The following SPATA12 variants were observed in gnomAD, a reference collection of about 807,000 sequenced individuals.
SPATA12 encodes the protein spermatogenesis associated 12, also known as spermatogenesis-associated protein 12.
For synonymous variants in SPATA12, 85 were observed against 89.2 expected (o/e 0.95, Z 0.26); for missense variants, 219 against 226.4 (o/e 0.97, Z 0.21).
chr3:57,069,809 T>C (rs1347534708), intron 1 of SPATA12, among the ~76,000 whole-genome samples: 1 of 152,188 alleles, frequency 6.6e-6, no homozygotes, highest in Non-Finnish European at 1.5e-5. Context: ...CACACCCAAC[T>C]AATTTTTAAT....
At chr3:57,070,862 C>G (rs1242605930) in intron 1 of SPATA12, among the ~76,000 whole-genome samples, 1 of 150,948 alleles carries the variant, frequency 6.6e-6, no homozygotes, top group African/African-American at 2.4e-5. Context: ...GTCCCAGCTA[C>G]TTGGGAGGCT....
At chr3:57,067,796 G>T (rs1344013433) in intron 1 of SPATA12, among the ~76,000 whole-genome samples, 1 of 149,840 alleles carries the variant, frequency 6.7e-6, no homozygotes, top group Non-Finnish European at 1.5e-5. Context: ...TGGCTAACAC[G>T]GTGAAACCCC....
At chr3:57,065,790 C>T (rs572696488) in intron 1 of SPATA12, among the ~76,000 whole-genome samples, 6 of 152,252 alleles carry the variant, frequency 3.9e-5, no homozygotes, top group Admixed American at 2.0e-4. Flanking sequence ...ATCCTCATTA[C>T]GGCTGAGTCA....
chr3:57,072,602 C>T (rs531988240), intron 1 of SPATA12, among the ~76,000 whole-genome samples: 151 of 151,324 alleles, frequency 1.0e-3, no homozygotes, highest in Middle Eastern at 3.4e-3. Flanking sequence ...ATTAGCCAGG[C>T]GTGGTGGCAC....
intron 1 of SPATA12, among the ~76,000 whole-genome samples, chr3:57,065,689 C>A (rs1236662012): frequency 1.3e-5 from 2 of 152,118 alleles, no homozygotes; most frequent in Non-Finnish European, 2.9e-5. Context: ...AGGCTGAGTT[C>A]CCACCCAGGC....
intron 1 of SPATA12, among the ~76,000 whole-genome samples, chr3:57,068,863 A>G (rs570779039): frequency 6.6e-6 from 1 of 151,984 alleles, no homozygotes; most frequent in Non-Finnish European, 1.5e-5. Flanking sequence ...CAAAATCCCT[A>G]TGAACTGCCG....
At position 57,074,078 on chromosome 3, in the gene SPATA12, A is replaced by C. The variant is rs769247768; in HGVS notation, c.384A>C (p.Gln128His). The C allele has an allele frequency of 2.2e-5, 36 of 1,613,918 alleles. No individual in the cohort carries two copies. The South Asian group carries it at 3.0e-4, about 13-fold the overall frequency. Residue 128 changes from glutamine to histidine, a missense_variant, in exon 2 of 2, where the codon CAA (glutamine) becomes CAC (histidine). Coordinates refer to ENST00000334325, the MANE Select transcript of SPATA12 (RefSeq NM_181727.2). ...AAGTTATTCATAACTCTACACCTCA[A>C]TTTCTTGGTATGGAAGATGGGGATA... ...CEQVIHNSTP[Q>H]FLGMEDGDNE...
intron 1 of SPATA12, among the ~76,000 whole-genome samples, chr3:57,066,040 CAAAA>C (rs59510971): frequency 3.1e-5 from 4 of 127,422 alleles, no homozygotes; most frequent in Non-Finnish European, 5.0e-5. Flanking sequence ...GTCTCCAAAA[CAAAA>C]AAAAAAAACC....
rs1198850227 is a variant in SPATA12 at position 57,074,253 on chromosome 3, C to T, written c.559C>T (p.His187Tyr). The T allele has an allele frequency of 3.7e-6, 6 of 1,612,302 alleles. No individual in the cohort carries two copies. The Admixed American group carries it at 8.3e-5, about 22-fold the overall frequency. ...TACAGTATACTCCAACACACACATA[C>T]ACACACATCTGTAATCAATAATAAT... ...LSTVYSNTHIHTHL is the reference protein window; with the variant it reads ...LSTVYSNTHIYTHL The change falls in exon 2 of 2, where the codon CAC (histidine) becomes TAC (tyrosine). Residue 187 changes from histidine to tyrosine, a missense_variant. His to Tyr is a moderately conservative substitution (Grantham distance 83, BLOSUM62 2). Transcript: ENST00000334325.
chr3:57,064,318 T>TTTTCTTTTTTTTTC, intron 1 of SPATA12, among the ~76,000 whole-genome samples: 2 of 150,082 alleles, frequency 1.3e-5, no homozygotes, highest in South Asian at 4.2e-4. Context: ...CTTTTTTTTT[T>TTTTCTTTTTTTTTC]CTTTCTTTTT....
chr3:57,061,441 G>A (rs1378700370), intron 1 of SPATA12, among the ~76,000 whole-genome samples: 1 of 152,188 alleles, frequency 6.6e-6, no homozygotes, highest in Non-Finnish European at 1.5e-5. Flanking sequence ...AGCATTACAG[G>A]TGTGAGCCAT....
chr3:57,069,745 A>T (rs1370947591), intron 1 of SPATA12, among the ~76,000 whole-genome samples: 1 of 152,214 alleles, frequency 6.6e-6, no homozygotes, highest in African/African-American at 2.4e-5. Flanking sequence ...ACGGGGCTCA[A>T]GCTATCCTCC....
chr3:57,064,980 A>G (rs1705443929), intron 1 of SPATA12, among the ~76,000 whole-genome samples: 1 of 152,250 alleles, frequency 6.6e-6, no homozygotes, highest in Non-Finnish European at 1.5e-5. Flanking sequence ...AAGGCAAAAA[A>G]TTAGTAAGTC....
At chr3:57,069,206 C>A (rs1705739454) in intron 1 of SPATA12, among the ~76,000 whole-genome samples, 1 of 152,198 alleles carries the variant, frequency 6.6e-6, no homozygotes, top group Non-Finnish European at 1.5e-5. Context: ...CAGGCGTGAG[C>A]CACCACGCCT....
chr3:57,066,364 C>T (rs1387336039), intron 1 of SPATA12, among the ~76,000 whole-genome samples: 14 of 152,046 alleles, frequency 9.2e-5, no homozygotes, highest in Admixed American at 7.9e-4. Flanking sequence ...CAGGTTCAAG[C>T]GATTCACCTG....
At chr3:57,067,177 C>T (rs979485552) in intron 1 of SPATA12, among the ~76,000 whole-genome samples, 2 of 152,114 alleles carry the variant, frequency 1.3e-5, no homozygotes, top group Non-Finnish European at 1.5e-5. Context: ...GTCGGCCAGG[C>T]GCGGTGGCTC....
intron 1 of SPATA12, among the ~76,000 whole-genome samples, chr3:57,067,324 G>A (rs1366206469): frequency 2.0e-5 from 3 of 151,616 alleles, no homozygotes; most frequent in East Asian, 2.0e-4. Context: ...GCGTGGTGGC[G>A]GGCGCCTGTA....
chr3:57,062,126 AG>A (rs1366106054), intron 1 of SPATA12, among the ~76,000 whole-genome samples: 7 of 151,288 alleles, frequency 4.6e-5, no homozygotes, highest in Non-Finnish European at 1.5e-5. Context: ...AACTCCATCT[AG>A]ATGGGTGAGA....
intron 1 of SPATA12, among the ~76,000 whole-genome samples, chr3:57,070,082 C>T (rs540615296): frequency 1.3e-5 from 2 of 152,296 alleles, no homozygotes; most frequent in African/African-American, 4.8e-5. Context: ...AAATTGTACC[C>T]CTTTGCCCAA....
Sources: gnomAD v4.1 joint callset for allele counts (sites outside exome capture counted in the v4.1 genomes callset) on GRCh38, gnomAD v4.1.1 for gene constraint, MANE v1.5 for transcripts, NCBI Gene and HGNC (gene_info 2026-07-23, HGNC 2026-07-21) for gene names.